IL23R: variants seen among roughly 807,000 people sequenced by gnomAD.
The protein encoded by IL23R is interleukin-23 receptor.
In IL23R, 34 loss-of-function variants were observed where a neutral mutation model predicts 56.9. That is an observed-to-expected ratio of 0.60 (90% CI 0.45 to 0.80). The LOEUF is 0.80. IL23R is among the 30% of genes least tolerant of loss of function. IL23R has a pLI of 0.00. For synonymous variants in IL23R, 230 were observed against 249.2 expected (o/e 0.92, Z 0.73); for missense variants, 635 against 730.0 (o/e 0.87, Z 1.50).
chr1:67,217,677 T>C (rs1649936041), intron 6 of IL23R, among the ~76,000 whole-genome samples: 1 of 149,208 alleles, frequency 6.7e-6, no homozygotes. Context: ...AGACATGGCT[T>C]ATGGAAACTC....
intron 7 of IL23R, 44 bp from the exon 8 acceptor site, chr1:67,236,669 A>G: frequency 7.8e-7 from 1 of 1,286,784 alleles, no homozygotes; most frequent in African/African-American, 1.5e-5. Flanking sequence ...TGGCAAGCAG[A>G]GTGCAAAATG....
intron 4 of IL23R, among the ~76,000 whole-genome samples, chr1:67,193,190 C>T (rs1647877571): frequency 6.6e-6 from 1 of 152,168 alleles, no homozygotes; most frequent in Admixed American, 6.5e-5. Context: ...CCTAATGTCA[C>T]CCTCTCAGAT....
intron 7 of IL23R, among the ~76,000 whole-genome samples, chr1:67,228,363 C>CTTTTTTTTTTTTTTTTTTTTTTTT (rs78083258): frequency 1.9e-5 from 2 of 105,784 alleles, no homozygotes; most frequent in South Asian, 3.8e-4. Context: ...TTTTTTCTTC[C>CTTTTTTTTTTTTTTTTTTTTTTTT]TTTTTTTTTT....
intron 6 of IL23R, chr1:67,207,708 A>G (rs750078432): frequency 1.7e-5 from 5 of 298,574 alleles, no homozygotes; most frequent in South Asian, 6.6e-5. Context: ...TGTAAGTCCA[A>G]TTAAACCTCT....
At chr1:67,207,672 C>A in intron 6 of IL23R, 1 of 385,974 alleles carries the variant, frequency 2.6e-6, no homozygotes, top group Non-Finnish European at 5.0e-6. Flanking sequence ...CACCATGATT[C>A]TGAGGCCTTA....
Position 67,169,577 on chromosome 1 carries a change from T to A in IL23R, c.306T>A (p.Thr102=), listed in dbSNP as rs778304248. The A allele has an allele frequency of 6.2e-7, 1 of 1,614,122 alleles. No homozygotes were observed. Among genetic ancestry groups the A allele is most frequent in the Non-Finnish European group, 8.5e-7 (1 of 1,179,970 alleles). Residue 102 remains threonine, a synonymous_variant, in exon 3 of 11, where the codon ACT becomes ACA. Coordinates refer to ENST00000347310, the MANE Select transcript of IL23R (RefSeq NM_144701.3). ...FLEPHASMYC[T]AECPKHFQET... ...AACCACATGCTTCTATGTACTGCAC[T>A]GCTGAATGTCCCAAACATTTTCAAG...
intron 7 of IL23R, among the ~76,000 whole-genome samples, chr1:67,224,807 AG>A (rs1271593902): frequency 6.6e-6 from 1 of 152,240 alleles, no homozygotes; most frequent in Non-Finnish European, 1.5e-5. Flanking sequence ...ACTGAATCCC[AG>A]GGTGACTTCA....
intron 3 of IL23R, among the ~76,000 whole-genome samples, chr1:67,170,002 G>A (rs1055380569): frequency 6.6e-6 from 1 of 152,288 alleles, no homozygotes; most frequent in African/African-American, 2.4e-5. Flanking sequence ...GGCCAGCCCC[G>A]TTAGATTTAA....
rs371531867 is a variant in IL23R, at chr1:67,200,762, T to C, written c.517T>C (p.Tyr173His). The change falls in exon 5 of 11, where the codon TAT (tyrosine) becomes CAT (histidine). Residue 173 changes from tyrosine to histidine, a missense_variant. Coordinates refer to ENST00000347310, the MANE Select transcript of IL23R (RefSeq NM_144701.3). ...KSLETEEEQQ[Y>H]LTSSYINIST... ...TTTAGAGACAGAAGAAGAGCAACAGTATCTCACCTCAAGCTATATTAACAT... is the reference window on the plus strand; with the variant it reads ...TTTAGAGACAGAAGAAGAGCAACAGCATCTCACCTCAAGCTATATTAACAT... The C allele has an allele frequency of 4.8e-5, 78 of 1,613,776 alleles. No individual in the cohort carries two copies. The Middle Eastern group carries it at 4.9e-4, about 10-fold the overall frequency.
intron 4 of IL23R, among the ~76,000 whole-genome samples, chr1:67,188,981 C>G (rs752854715): frequency 6.6e-6 from 1 of 151,492 alleles, no homozygotes; most frequent in Non-Finnish European, 1.5e-5. Flanking sequence ...GAAACCTGAC[C>G]GATTTGATTG....
chr1:67,158,045 A>G (rs10789226), intron 1 of IL23R, among the ~76,000 whole-genome samples: 59,537 of 151,724 alleles, frequency 0.39, 12,128 homozygotes, highest in Admixed American at 0.48. Context: ...GTGAAACCCC[A>G]TCTCTACTAA....
At chr1:67,238,466 A>G (rs143685616) in intron 8 of IL23R, among the ~76,000 whole-genome samples, 1,700 of 152,234 alleles carry the variant, frequency 0.011, 12 homozygotes, top group Non-Finnish European at 0.018. Context: ...CTAATTATAG[A>G]TGCCTACACA....
chr1:67,177,727 T>G (rs560769126), intron 3 of IL23R, among the ~76,000 whole-genome samples: 2 of 151,506 alleles, frequency 1.3e-5, no homozygotes, highest in African/African-American at 4.9e-5. Flanking sequence ...ATCTAGGTAT[T>G]CTTCTAGGGT....
intron 1 of IL23R, among the ~76,000 whole-genome samples, chr1:67,148,830 G>A (rs1393790951): frequency 6.6e-6 from 1 of 152,042 alleles, no homozygotes; most frequent in Non-Finnish European, 1.5e-5. Flanking sequence ...GTGTTAGAAC[G>A]GCTCTGAACC....
At chr1:67,171,434 A>G (rs1385481722) in intron 3 of IL23R, among the ~76,000 whole-genome samples, 7 of 152,170 alleles carry the variant, frequency 4.6e-5, no homozygotes, top group African/African-American at 1.7e-4. Context: ...GCTGGCTTGT[A>G]TAATTATATA....
intron 10 of IL23R, among the ~76,000 whole-genome samples, chr1:67,256,583 G>A (rs1652965335): frequency 6.6e-6 from 1 of 152,136 alleles, no homozygotes; most frequent in South Asian, 2.1e-4. Flanking sequence ...CAGTCCAAGG[G>A]ACAAACACAT....
chr1:67,192,132 C>G (rs1290769877), intron 4 of IL23R, among the ~76,000 whole-genome samples: 2 of 152,152 alleles, frequency 1.3e-5, no homozygotes, highest in Non-Finnish European at 2.9e-5. Context: ...TATATGTGAG[C>G]TATTTAGGAA....
chr1:67,141,100 T>C (rs1157762012), intron 1 of IL23R, among the ~76,000 whole-genome samples: 1 of 152,168 alleles, frequency 6.6e-6, no homozygotes, highest in African/African-American at 2.4e-5. Context: ...AAAATGTGTA[T>C]GATATTGTGT....
intron 3 of IL23R, among the ~76,000 whole-genome samples, chr1:67,171,476 A>T (rs368870658): frequency 6.6e-6 from 1 of 152,162 alleles, no homozygotes; most frequent in East Asian, 1.9e-4. Flanking sequence ...CTAACAGAAC[A>T]GTTGGTTTTT....
Sources: gnomAD v4.1 joint callset for allele counts (sites outside exome capture counted in the v4.1 genomes callset) on GRCh38, gnomAD v4.1.1 for gene constraint, MANE v1.5 for transcripts, NCBI Gene and HGNC (gene_info 2026-07-23, HGNC 2026-07-21) for gene names.